The following CPQ variants were observed in gnomAD, a reference collection of about 807,000 sequenced individuals.
CPQ encodes carboxypeptidase Q.
In CPQ, 37 loss-of-function variants were observed where a neutral mutation model predicts 45.7. The ratio of observed to expected loss-of-function variants is 0.81; its 90% CI spans 0.62 to 1.07. CPQ has a LOEUF of 1.07. CPQ is among the 50% of genes least tolerant of loss of function. The pLI, the probability that CPQ is intolerant of heterozygous loss-of-function variation, is 0.00. For missense variants in CPQ, 537 were observed against 572.9 expected (o/e 0.94, Z 0.64); for synonymous variants, 186 against 205.8 (o/e 0.90, Z 0.82).
At chr8:96,698,080 C>T (rs1191439314) in intron 1 of CPQ, among the ~76,000 whole-genome samples, 1 of 152,078 alleles carries the variant, frequency 6.6e-6, no homozygotes, top group Non-Finnish European at 1.5e-5. Context: ...AATGAGGAAT[C>T]ACATTATCTG....
chr8:97,006,598 C>G (rs1327310767), intron 5 of CPQ, among the ~76,000 whole-genome samples: 1 of 152,140 alleles, frequency 6.6e-6, no homozygotes, highest in Non-Finnish European at 1.5e-5. Flanking sequence ...TGATTCTGTC[C>G]TATATGAATT....
chr8:97,048,799 T>C (rs566212623), intron 6 of CPQ, among the ~76,000 whole-genome samples: 2 of 152,356 alleles, frequency 1.3e-5, no homozygotes, highest in East Asian at 1.9e-4. Flanking sequence ...GCCTCAGGCA[T>C]GAAGCCCATT....
chr8:96,727,280 T>C (rs1809855737), intron 1 of CPQ, among the ~76,000 whole-genome samples: 2 of 152,182 alleles, frequency 1.3e-5, no homozygotes, highest in South Asian at 4.1e-4. Context: ...CAAGCAGCTA[T>C]TTAGTCCTGT....
chr8:97,118,747 GAAA>G (rs1187083283), intron 7 of CPQ, among the ~76,000 whole-genome samples: 1 of 151,880 alleles, frequency 6.6e-6, no homozygotes, highest in Non-Finnish European at 1.5e-5. Context: ...GTTTTTCAAA[GAAA>G]AAAATTGTAT....
chr8:96,911,873 A>G (rs1221775740), intron 4 of CPQ, among the ~76,000 whole-genome samples: 6 of 152,220 alleles, frequency 3.9e-5, no homozygotes, highest in South Asian at 4.1e-4. Context: ...CAGAAGCAGC[A>G]TCGTTCATAA....
intron 4 of CPQ, among the ~76,000 whole-genome samples, chr8:96,888,297 C>G (rs1193472858): frequency 1.3e-5 from 2 of 152,118 alleles, no homozygotes; most frequent in East Asian, 1.9e-4. Flanking sequence ...GGCTTTGGTT[C>G]TGGTTTTATT....
At chr8:97,092,225 C>T (rs746300713) in intron 7 of CPQ, 1 of 152,110 alleles carries the variant, frequency 6.6e-6, no homozygotes, top group Non-Finnish European at 1.5e-5. Context: ...CACCCACTAC[C>T]TTTGAAATCT....
At chr8:96,880,942 C>T (rs1239436315) in intron 4 of CPQ, among the ~76,000 whole-genome samples, 1 of 152,028 alleles carries the variant, frequency 6.6e-6, no homozygotes, top group African/African-American at 2.4e-5. Context: ...AATTTTAGCA[C>T]ATTGACTGAA....
intron 1 of CPQ, among the ~76,000 whole-genome samples, chr8:96,670,475 GATCA>G (rs758872815): frequency 2.0e-5 from 3 of 152,048 alleles, no homozygotes; most frequent in African/African-American, 4.8e-5. Context: ...GTCATGCAAA[GATCA>G]ATCAAAGGAA....
intron 3 of CPQ, among the ~76,000 whole-genome samples, chr8:96,847,364 T>C (rs1178537319): frequency 2.0e-5 from 3 of 152,210 alleles, no homozygotes; most frequent in African/African-American, 7.2e-5. Flanking sequence ...CTGTGTGCTT[T>C]TGTAATAAAG....
At chr8:97,101,861 G>T (rs543559180) in intron 7 of CPQ, among the ~76,000 whole-genome samples, 4 of 150,874 alleles carry the variant, frequency 2.7e-5, no homozygotes, top group African/African-American at 9.7e-5. Context: ...CCCTTCCCAC[G>T]TGTTGCTTTC....
intron 6 of CPQ, among the ~76,000 whole-genome samples, chr8:97,045,073 G>A (rs1014209948): frequency 6.6e-6 from 1 of 152,208 alleles, no homozygotes; most frequent in Non-Finnish European, 1.5e-5. Flanking sequence ...TTGTTTGTCT[G>A]TGCCCTGCCC....
chr8:96,940,855 T>C (rs2130323007), intron 4 of CPQ, among the ~76,000 whole-genome samples: 1 of 152,306 alleles, frequency 6.6e-6, no homozygotes, highest in African/African-American at 2.4e-5. Context: ...TCTTTATCGA[T>C]GCCTTCAGGA....
chr8:97,063,981 GT>G (rs1810595731), intron 6 of CPQ, among the ~76,000 whole-genome samples: 1 of 152,090 alleles, frequency 6.6e-6, no homozygotes, highest in Non-Finnish European at 1.5e-5. Flanking sequence ...ATTTAAAATA[GT>G]TTTTCTAGTT....
At chr8:96,980,633 T>G (rs1284981510) in intron 5 of CPQ, among the ~76,000 whole-genome samples, 1 of 152,158 alleles carries the variant, frequency 6.6e-6, no homozygotes, top group Non-Finnish European at 1.5e-5. Flanking sequence ...AATCCCAGTA[T>G]CAACTCTCAG....
chr8:96,884,705 T>TAGTC (rs1812276246), intron 4 of CPQ, among the ~76,000 whole-genome samples: 1 of 152,204 alleles, frequency 6.6e-6, no homozygotes, highest in Non-Finnish European at 1.5e-5. Context: ...AACTGATCTT[T>TAGTC]CATAGGCCAG....
intron 4 of CPQ, among the ~76,000 whole-genome samples, chr8:96,921,570 A>T (rs1159498336): frequency 6.6e-6 from 1 of 152,274 alleles, no homozygotes; most frequent in African/African-American, 2.4e-5. Context: ...TTTGGATGTC[A>T]TGTTTTTGAG....
At chr8:97,098,559 CAT>C (rs1811248461) in intron 7 of CPQ, among the ~76,000 whole-genome samples, 1 of 152,102 alleles carries the variant, frequency 6.6e-6, no homozygotes, top group African/African-American at 2.4e-5. Context: ...GTCTAGAAAA[CAT>C]AACCCAGAGC....
intron 4 of CPQ, among the ~76,000 whole-genome samples, chr8:96,909,688 T>G (rs931638786): frequency 1.2e-4 from 18 of 152,142 alleles, no homozygotes; most frequent in African/African-American, 4.3e-4. Flanking sequence ...CCCAATGACA[T>G]GAGTCATGTC....
Sources: gnomAD v4.1 joint callset for allele counts (sites outside exome capture counted in the v4.1 genomes callset) on GRCh38, gnomAD v4.1.1 for gene constraint, MANE v1.5 for transcripts, NCBI Gene and HGNC (gene_info 2026-07-23, HGNC 2026-07-21) for gene names.